The following ROBO1 variants were observed in gnomAD, a reference collection of about 807,000 sequenced individuals.
The protein encoded by ROBO1 is roundabout guidance receptor 1.
ROBO1 carries 149 observed loss-of-function variants against 195.9 expected under a neutral mutation model. The ratio of observed to expected loss-of-function variants is 0.76; its 90% CI spans 0.67 to 0.87. ROBO1 has a LOEUF of 0.87. Ranked by LOEUF, ROBO1 falls within the 40% of genes least tolerant of loss-of-function variation. ROBO1 has a pLI of 0.00. For missense variants in ROBO1, 1,933 were observed against 2,068.3 expected, an observed-to-expected ratio of 0.93 and a Z score of 1.27; for synonymous variants, 816 against 733.2, an observed-to-expected ratio of 1.11 and a Z score of -1.82.
intron 2 of ROBO1, among the ~76,000 whole-genome samples, chr3:79,310,564 T>G (rs2033436804): frequency 6.6e-6 from 1 of 152,206 alleles, no homozygotes; most frequent in Non-Finnish European, 1.5e-5. Context: ...CATTCCTTAC[T>G]TTCTGTAAGT....
chr3:79,488,551 A>T (rs1382043233), intron 2 of ROBO1, among the ~76,000 whole-genome samples: 1 of 152,190 alleles, frequency 6.6e-6, no homozygotes, highest in East Asian at 1.9e-4. Context: ...GACCAATAAA[A>T]AGAATAGAAA....
At chr3:79,166,535 G>A (rs900110525) in intron 2 of ROBO1, among the ~76,000 whole-genome samples, 4 of 150,458 alleles carry the variant, frequency 2.7e-5, no homozygotes, top group African/African-American at 9.7e-5. Flanking sequence ...TAAGTTGCAG[G>A]ATGGAAGGCA....
At chr3:78,689,593 T>A (rs1348442056) in intron 8 of ROBO1, among the ~76,000 whole-genome samples, 1 of 152,104 alleles carries the variant, frequency 6.6e-6, no homozygotes, top group Non-Finnish European at 1.5e-5. Context: ...AGAATGTAAG[T>A]CTTTTTACCT....
chr3:78,662,423 C>CT (rs1428562370), intron 14 of ROBO1, among the ~76,000 whole-genome samples: 2 of 152,128 alleles, frequency 1.3e-5, no homozygotes, highest in African/African-American at 4.8e-5. Flanking sequence ...GTAACGATCA[C>CT]TTTCCTGATG....
intron 5 of ROBO1, among the ~76,000 whole-genome samples, chr3:78,726,785 C>T (rs2082172207): frequency 6.6e-6 from 1 of 152,112 alleles, no homozygotes; most frequent in South Asian, 2.1e-4. Flanking sequence ...AAATCAGCTG[C>T]AGTACAGTTT....
At chr3:79,767,453 C>T (rs1189797402) in intron 1 of ROBO1, among the ~76,000 whole-genome samples, 4 of 152,190 alleles carry the variant, frequency 2.6e-5, no homozygotes, top group African/African-American at 9.6e-5. Context: ...TAAGCAGCCG[C>T]AGCCTACCTG....
intron 2 of ROBO1, among the ~76,000 whole-genome samples, chr3:79,135,884 G>A (rs1394057299): frequency 3.9e-5 from 6 of 152,234 alleles, no homozygotes; most frequent in South Asian, 2.1e-4. Flanking sequence ...TGATCCACCC[G>A]CCTTGGCCTC....
At chr3:79,659,622 CA>C (rs984329933) in intron 1 of ROBO1, among the ~76,000 whole-genome samples, 12 of 132,848 alleles carry the variant, frequency 9.0e-5, no homozygotes, top group Middle Eastern at 3.9e-3. Context: ...AAAAAAAAAA[CA>C]CAATATTTTT....
chr3:79,334,311 AATAT>A (rs367879037), intron 2 of ROBO1, among the ~76,000 whole-genome samples: 3 of 131,750 alleles, frequency 2.3e-5, no homozygotes, highest in African/African-American at 5.8e-5. Context: ...AAAAAAAAAA[AATAT>A]ATATATATAT....
chr3:79,575,128 AATATATATAACAAATATATAAAT>A (rs1318662626), intron 2 of ROBO1, among the ~76,000 whole-genome samples: 57 of 67,886 alleles, frequency 8.4e-4, no homozygotes, highest in African/African-American at 5.0e-3. Flanking sequence ...TATATATATA[AATATATATAACAAATATATAAAT>A]ATATATATAA....
rs369808629 is a variant in ROBO1 at position 78,606,929 on chromosome 3, T to C, written c.4548A>G (p.Ala1516=). 4.2e-5 allele frequency: 68 copies of C among 1,613,840 alleles called. No homozygotes were observed. Among genetic ancestry groups the C allele is most frequent in the Non-Finnish European group, 5.6e-5 (66 of 1,179,890 alleles). ...TTCTGTCTGATGATCTGTCTGTTCT[T>C]GCATCCATAGAAGGGAGTTTTGGCA... The part of the protein sequence containing the change: ...VVVPKLPSMD[A]RTDRSSDRKG... The change falls in exon 29 of 31, where the codon GCA becomes GCG. Residue 1516 remains alanine (A), a synonymous_variant. Coordinates refer to ENST00000464233, the MANE Select transcript of ROBO1 (RefSeq NM_002941.4).
intron 1 of ROBO1, among the ~76,000 whole-genome samples, chr3:79,626,512 A>G (rs914301536): frequency 1.2e-4 from 19 of 152,166 alleles, no homozygotes; most frequent in Non-Finnish European, 2.5e-4. Flanking sequence ...AAATAGTAAG[A>G]GCTATTTATG....
chr3:79,741,833 A>G (rs1703661991), intron 1 of ROBO1, among the ~76,000 whole-genome samples: 1 of 152,230 alleles, frequency 6.6e-6, no homozygotes, highest in African/African-American at 2.4e-5. Context: ...GATGGAAATT[A>G]GGAACTTGCT....
chr3:79,704,637 C>A (rs1947714112), intron 1 of ROBO1, among the ~76,000 whole-genome samples: 1 of 151,966 alleles, frequency 6.6e-6, no homozygotes, highest in Admixed American at 6.6e-5. Flanking sequence ...ACTAAAGATG[C>A]TGTAAATATT....
At chr3:78,819,174 T>C (rs1027503246) in intron 4 of ROBO1, among the ~76,000 whole-genome samples, 1 of 152,178 alleles carries the variant, frequency 6.6e-6, no homozygotes, top group Admixed American at 6.5e-5. Flanking sequence ...GTCACAGATG[T>C]TGTGAACATC....
chr3:78,811,372 C>T (rs2084733788), intron 4 of ROBO1, among the ~76,000 whole-genome samples: 1 of 152,164 alleles, frequency 6.6e-6, no homozygotes, highest in African/African-American at 2.4e-5. Flanking sequence ...GTAATTCACT[C>T]TTTAATTGAA....
intron 3 of ROBO1, among the ~76,000 whole-genome samples, chr3:78,985,676 G>C (rs982359824): frequency 1.3e-5 from 2 of 152,174 alleles, no homozygotes; most frequent in African/African-American, 4.8e-5. Context: ...CCTGGTGGCA[G>C]AGTTGTAACA....
At chr3:78,760,434 G>C (rs1301516083) in intron 4 of ROBO1, among the ~76,000 whole-genome samples, 1 of 152,102 alleles carries the variant, frequency 6.6e-6, no homozygotes, top group African/African-American at 2.4e-5. Flanking sequence ...GGGAGGCCGA[G>C]GCAGGAGGAC....
At chr3:79,284,086 A>G (rs1289254184) in intron 2 of ROBO1, among the ~76,000 whole-genome samples, 1 of 152,028 alleles carries the variant, frequency 6.6e-6, no homozygotes, top group East Asian at 1.9e-4. Flanking sequence ...ATGTATATAT[A>G]TGCATGTATA....
Sources: gnomAD v4.1 joint callset for allele counts (sites outside exome capture counted in the v4.1 genomes callset) on GRCh38, gnomAD v4.1.1 for gene constraint, MANE v1.5 for transcripts, NCBI Gene and HGNC (gene_info 2026-07-23, HGNC 2026-07-21) for gene names.